The following OR4F6 variants were observed in gnomAD, a reference collection of about 807,000 sequenced individuals.
The protein encoded by OR4F6 is olfactory receptor family 4 subfamily F member 6, also known as olfactory receptor 4F6.
A neutral mutation model predicts 15.9 loss-of-function variants in OR4F6; 13 were observed. The ratio of observed to expected loss-of-function variants is 0.82; its 90% confidence interval spans 0.53 to 1.30. The LOEUF (loss-of-function observed/expected upper bound fraction) is 1.30, where lower values mean the gene tolerates loss of function less well. OR4F6 is among the 50% of genes most tolerant of loss of function. The pLI, the probability that OR4F6 is intolerant of heterozygous loss-of-function variation, is 0.00. For missense variants in OR4F6, 426 were observed against 367.2 expected (o/e 1.16, Z -1.31); for synonymous variants, 150 against 133.8 (o/e 1.12, Z -0.83).
In OR4F6 at chr15:101,806,580, T is replaced by C. The variant is rs772241781; in HGVS notation, c.861T>C (p.Tyr287=). Residue 287 remains tyrosine, a synonymous_variant, in exon 2 of 2, where the codon TAT becomes TAC. Coordinates refer to ENST00000328882, the MANE Select transcript of OR4F6 (RefSeq NM_001005326.2). ...CTCCCGTTTTGAATCCAGTCATCTA[T>C]ACTTTTAGAAATAAAGAGATGATGG... ...VITPVLNPVI[Y]TFRNKEMMVA... 6.2e-7 allele frequency: 1 copy of C among 1,612,196 alleles called. No individual in the cohort carries two copies. Among genetic ancestry groups the C allele is most frequent in the Admixed American group, 1.7e-5 (1 of 59,632 alleles).
intron 1 of OR4F6, 38 bp from the exon 2 acceptor site, chr15:101,805,649 G>A: frequency 8.0e-7 from 1 of 1,254,274 alleles, no homozygotes; most frequent in South Asian, 1.4e-5. Flanking sequence ...AATGCTTTTT[G>A]TCCTAAATCA....
At position 101,806,762 on chromosome 15, in the gene OR4F6, A is replaced by G; in HGVS notation, c.*104A>G. 1.5e-6 allele frequency: 1 copy of G among 666,328 alleles called. No homozygotes were observed. Among genetic ancestry groups the G allele is most frequent in the African/African-American group, 1.8e-5 (1 of 55,116 alleles). 41.3% of individuals were successfully genotyped at this position (666,328 alleles called of 1,614,324 possible). ...AACCAGAATATCACTTTCTACTAGT[A>G]TGTATTGTGTTGTCTTTTTTTTCTT... On this transcript the variant is annotated 3_prime_UTR_variant, in exon 2 of 2. Transcript: ENST00000328882.
chr15:101,805,697 A>T lies in OR4F6; in HGVS notation c.-23A>T. 6.4e-7 allele frequency: 1 copy of T among 1,566,252 alleles called. No individual in the cohort carries two copies. The highest frequency in any genetic ancestry group is 1.4e-5 in the African/African-American group (1 of 73,690). On this transcript the variant is annotated 5_prime_UTR_variant, in exon 2 of 2. Coordinates refer to ENST00000328882, the MANE Select transcript of OR4F6 (RefSeq NM_001005326.2). ...ACTCTCCTCTTTCAGTTAGCATGAG[A>T]GTTGTCACAGCCGACAGAGGCAATG...
At position 101,805,879 on chromosome 15, in the gene OR4F6, C is replaced by G. The variant is rs141580524; in HGVS notation, c.160C>G (p.Arg54Gly). The G allele has an allele frequency of 1.9e-6, 3 of 1,614,026 alleles. No homozygotes were observed. The highest frequency in any genetic ancestry group is 2.7e-5 in the African/African-American group (2 of 74,908). ...LIVLTVTSDP[R>G]LQSPMYFLLA... ...TGTGCTAACTGTGACCTCTGACCCTCGTTTACAGTCCCCCATGTACTTCCT... is the reference window on the plus strand; with the variant it reads ...TGTGCTAACTGTGACCTCTGACCCTGGTTTACAGTCCCCCATGTACTTCCT... The change falls in exon 2 of 2, where the codon CGT (arginine) becomes GGT (glycine). Residue 54 changes from arginine to glycine, a missense_variant. By Grantham distance (125) the Arg-to-Gly change is moderately radical. Coordinates refer to ENST00000328882, the MANE Select transcript of OR4F6 (RefSeq NM_001005326.2).
At position 101,804,193 on chromosome 15, in the gene OR4F6, A is replaced by G. The variant is rs538071617; in HGVS notation, c.-34+648A>G. ...GGAACAGTAATTTGGGGAGCATGCA[A>G]CTCCAGTGTCCATTCCTGTCCCTCT... On this transcript the variant is annotated intron_variant, in intron 1 of 1. Transcript: ENST00000328882. 2.6e-5 allele frequency among the ~76,000 whole-genome samples: 4 copies of G among 152,006 alleles called. No individual in the cohort carries two copies. In the South Asian group the frequency reaches 8.3e-4, roughly 32 times the overall value.
In OR4F6 at chr15:101,806,620, C is replaced by A. The variant is rs763454091; in HGVS notation, c.901C>A (p.Arg301=). The change falls in exon 2 of 2, where the codon CGA becomes AGA. Residue 301 remains arginine (R), a synonymous_variant. Coordinates refer to ENST00000328882, the MANE Select transcript of OR4F6 (RefSeq NM_001005326.2). The part of the protein sequence containing the change: ...NKEMMVAMRR[R]CSQFVNYSKI... ...AGAGATGATGGTGGCAATGAGAAGA[C>A]GATGCTCTCAGTTTGTGAATTACAG... The A allele has an allele frequency of 2.5e-6, 4 of 1,593,020 alleles. No homozygotes were observed. The Admixed American group carries it at 7.3e-5, about 29-fold the overall frequency.
At position 101,806,736 on chromosome 15, in the gene OR4F6, T is replaced by A; in HGVS notation, c.*78T>A. 1.2e-6 allele frequency: 1 copy of A among 818,736 alleles called. No individual in the cohort carries two copies. The highest frequency in any genetic ancestry group is 2.7e-5 in the East Asian group (1 of 37,164). 50.7% of individuals were successfully genotyped at this position (818,736 alleles called of 1,614,324 possible). ...TGTGTTAAGTAAGCTATGTTAAATTTAACCAGAATATCACTTTCTACTAGT... is the reference window on the plus strand; with the variant it reads ...TGTGTTAAGTAAGCTATGTTAAATTAAACCAGAATATCACTTTCTACTAGT... On this transcript the variant is annotated 3_prime_UTR_variant, in exon 2 of 2. Transcript: ENST00000328882.
chr15:101,805,660 A>G, intron 1 of OR4F6, 27 bp from the exon 2 acceptor site: 1 of 1,365,448 alleles, frequency 7.3e-7, no homozygotes. Flanking sequence ...TCCTAAATCA[A>G]AGTTTCTCCT....
At chr15:101,805,616 T>A (rs1902782517) in intron 1 of OR4F6, 71 bp from the exon 2 acceptor site, 1 of 823,910 alleles carries the variant, frequency 1.2e-6, no homozygotes, top group African/African-American at 1.7e-5. Flanking sequence ...AACATATGAA[T>A]TGCTCATGAT....
rs777072761 is a variant in OR4F6 at position 101,806,594 on chromosome 15, A to G, written c.875A>G (p.Lys292Arg). ...LNPVIYTFRN[K>R]EMMVAMRRRC... ...CCAGTCATCTATACTTTTAGAAATA[A>G]AGAGATGATGGTGGCAATGAGAAGA... The change falls in exon 2 of 2, where the codon AAA becomes AGA. Residue 292 changes from lysine (K) to arginine (R), a missense_variant. Physicochemically the swap from Lys to Arg is conservative, Grantham distance 26 (BLOSUM62 2). Coordinates refer to ENST00000328882, the MANE Select transcript of OR4F6 (RefSeq NM_001005326.2). The G allele has an allele frequency of 1.2e-6, 2 of 1,609,068 alleles. No individual in the cohort carries two copies. Among genetic ancestry groups the G allele is most frequent in the Non-Finnish European group, 1.7e-6 (2 of 1,178,422 alleles).
At position 101,806,724 on chromosome 15, in the gene OR4F6, C is replaced by T; in HGVS notation, c.*66C>T. On this transcript the variant is annotated 3_prime_UTR_variant, in exon 2 of 2. Transcript: ENST00000328882. Reference sequence around the variant, plus strand: ...TTCAGACAGATATGTGTTAAGTAAGCTATGTTAAATTTAACCAGAATATCA... The same window carrying T: ...TTCAGACAGATATGTGTTAAGTAAGTTATGTTAAATTTAACCAGAATATCA... 2.1e-6 allele frequency: 2 copies of T among 931,300 alleles called. No homozygotes were observed. Among genetic ancestry groups the T allele is most frequent in the East Asian group, 2.7e-5 (1 of 37,602 alleles). The allele number at this position is 931,300 out of a possible 1,614,324, so 57.7% of individuals were successfully genotyped here. A position where few individuals can be genotyped will look rare whatever the true frequency, so the allele number is the denominator to read the frequency against.
intron 1 of OR4F6, among the ~76,000 whole-genome samples, chr15:101,805,056 A>G (rs1259715693): frequency 6.6e-6 from 1 of 152,202 alleles, no homozygotes; most frequent in African/African-American, 2.4e-5. Flanking sequence ...AGTTATTCCA[A>G]GCTGAGTTGC....
intron 1 of OR4F6, 78 bp from the exon 2 acceptor site, chr15:101,805,609 A>G: frequency 1.3e-6 from 1 of 785,690 alleles, no homozygotes; most frequent in Non-Finnish European, 2.1e-6. Flanking sequence ...TTCTGACAAC[A>G]TATGAATTGC....
intron 1 of OR4F6, 90 bp downstream of exon 1, chr15:101,803,635 C>T (rs544540555): frequency 1.3e-5 from 2 of 152,252 alleles, no homozygotes; most frequent in East Asian, 3.9e-4. Flanking sequence ...TTTAATCAAC[C>T]AGGAGTCATG....
intron 1 of OR4F6, among the ~76,000 whole-genome samples, chr15:101,804,915 G>A (rs1183693049): frequency 6.6e-6 from 1 of 152,196 alleles, no homozygotes; most frequent in African/African-American, 2.4e-5. Context: ...AGTTTTAGGA[G>A]TAAGTGGAAA....
intron 1 of OR4F6, 29 bp from the exon 2 acceptor site, chr15:101,805,656 ATC>A: frequency 7.5e-7 from 1 of 1,341,154 alleles, no homozygotes; most frequent in Non-Finnish European, 1.0e-6. Context: ...TTTGTCCTAA[ATC>A]AAAGTTTCTC....
intron 1 of OR4F6, among the ~76,000 whole-genome samples, chr15:101,804,123 T>A (rs1352956201): frequency 6.6e-6 from 1 of 152,218 alleles, no homozygotes; most frequent in Non-Finnish European, 1.5e-5. Flanking sequence ...ATTCAGGTCA[T>A]AACAACAGAC....
chr15:101,804,768 A>G (rs1902769160), intron 1 of OR4F6, among the ~76,000 whole-genome samples: 1 of 152,246 alleles, frequency 6.6e-6, no homozygotes, highest in South Asian at 2.1e-4. Flanking sequence ...AGTAGTACCA[A>G]CAATGAGTGG....
Position 101,806,597 on chromosome 15 carries a change from A to T in OR4F6, c.878A>T (p.Glu293Val), listed in dbSNP as rs1418251263. The change falls in exon 2 of 2, where the codon GAG (glutamate) becomes GTG (valine). Residue 293 changes from glutamate to valine, a missense_variant. Physicochemically the swap from Glu to Val is moderately radical, Grantham distance 121. Transcript: ENST00000328882. ...NPVIYTFRNK[E>V]MMVAMRRRCS... The stretch of plus-strand genomic sequence containing the variant: ...GTCATCTATACTTTTAGAAATAAAG[A>T]GATGATGGTGGCAATGAGAAGACGA... 1 of 1,607,320 alleles carries T rather than the reference A, an allele frequency of 6.2e-7. No homozygotes were observed. The highest frequency in any genetic ancestry group is 8.5e-7 in the Non-Finnish European group (1 of 1,177,822).
Sources: gnomAD v4.1 joint callset for allele counts (sites outside exome capture counted in the v4.1 genomes callset) on GRCh38, gnomAD v4.1.1 for gene constraint, MANE v1.5 for transcripts, NCBI Gene and HGNC (gene_info 2026-07-23, HGNC 2026-07-21) for gene names.